PAQR8: variants seen among roughly 807,000 people sequenced by gnomAD.
PAQR8 encodes the protein membrane progestin receptor beta.
Under a neutral mutation model 25.2 loss-of-function variants are expected in PAQR8, and 17 were observed. The ratio of observed to expected loss-of-function variants is 0.67; its 90% CI spans 0.46 to 1.01. The LOEUF is 1.01. Among genes scored for constraint, PAQR8 ranks in the 50% least tolerant of loss-of-function variants. The probability of loss-of-function intolerance (pLI) is 0.00; values close to 1 mark genes in which losing one functional copy is unlikely to be tolerated. For synonymous variants in PAQR8, 204 were observed against 190.6 expected (o/e 1.07, Z -0.58); for missense variants, 392 against 448.4 (o/e 0.87, Z 1.14).
chr6:52,405,711 ACCT>A lies in PAQR8; in HGVS notation c.*1439_*1441del, dbSNP rs1396122308. On this transcript the variant is annotated 3_prime_UTR_variant, in exon 2 of 2. Transcript: ENST00000442253. ...ACATGATTTAACTCCAGTTTGATGA[ACCT>A]CCTCCGAGTTTACTTTATTGTCTTC... 3 of 166,420 alleles carry A rather than the reference ACCT, an allele frequency of 1.8e-5. No individual in the cohort carries two copies. Among genetic ancestry groups the A allele is most frequent in the Non-Finnish European group, 2.9e-5 (2 of 67,910 alleles). 10.3% of individuals were successfully genotyped at this position (166,420 alleles called of 1,614,324 possible). A position where few individuals can be genotyped will look rare whatever the true frequency, so the allele number is the denominator to read the frequency against.
chr6:52,362,523 A>G lies in PAQR8; in HGVS notation c.-53+274A>G. ...ATGCTGGGGAGCCCTGGAGCTCTGA[A>G]CGGCTGTAGTGGGGTGGCCAGGACT... On this transcript the variant is annotated intron_variant, in intron 1 of 1. Coordinates refer to ENST00000442253, the MANE Select transcript of PAQR8 (RefSeq NM_133367.5). This position sits in a 1 kb window ranked among gnomAD's most constrained non-coding sequence, Gnocchi z 4.1. 1 of 152,852 alleles carries G rather than the reference A, an allele frequency of 6.5e-6. No homozygotes were observed. The highest frequency in any genetic ancestry group is 1.9e-4 in the East Asian group (1 of 5,162). 9.5% of individuals were successfully genotyped at this position (152,852 alleles called of 1,614,324 possible). A position where few individuals can be genotyped will look rare whatever the true frequency, so the allele number is the denominator to read the frequency against.
intron 1 of PAQR8, among the ~76,000 whole-genome samples, chr6:52,400,378 T>G (rs1033771076): frequency 6.6e-5 from 10 of 152,248 alleles, no homozygotes; most frequent in Admixed American, 6.5e-4. Context: ...TGTTAAACAC[T>G]TTACAGCCAT....
intron 1 of PAQR8, among the ~76,000 whole-genome samples, chr6:52,385,833 C>T (rs1195848888): frequency 2.0e-5 from 3 of 152,138 alleles, no homozygotes; most frequent in African/African-American, 7.2e-5. Context: ...CTACAGTGAG[C>T]CATGATCACA....
chr6:52,402,632 A>AAAG (rs1554256636), intron 1 of PAQR8, among the ~76,000 whole-genome samples: 5,630 of 114,486 alleles, frequency 0.049, 146 homozygotes, highest in South Asian at 0.081. Flanking sequence ...AAAAAAAAAA[A>AAAG]AAAGAAAGAA....
At chr6:52,377,930 A>G (rs1349023214) in intron 1 of PAQR8, among the ~76,000 whole-genome samples, 3 of 152,174 alleles carry the variant, frequency 2.0e-5, no homozygotes, top group African/African-American at 7.2e-5. Flanking sequence ...ACATTGGTAG[A>G]ATGATTTCCA....
intron 1 of PAQR8, among the ~76,000 whole-genome samples, chr6:52,380,922 T>C (rs956987579): frequency 6.6e-6 from 1 of 152,228 alleles, no homozygotes; most frequent in East Asian, 1.9e-4. Context: ...GAGGTTTGCA[T>C]CCTTGGATAC....
intron 1 of PAQR8, chr6:52,373,738 G>GT (rs35277802): frequency 0.16 from 23,454 of 143,666 alleles, 1,987 homozygotes; most frequent in South Asian, 0.29. Flanking sequence ...AAAAGGATCT[G>GT]TTTTTTTTTT....
intron 1 of PAQR8, among the ~76,000 whole-genome samples, chr6:52,369,910 A>G (rs1016690858): frequency 2.0e-5 from 3 of 152,136 alleles, no homozygotes; most frequent in Non-Finnish European, 4.4e-5. Flanking sequence ...ATGGGCTAAT[A>G]CTCAATTGCC....
At position 52,403,483 on chromosome 6, in the gene PAQR8, C is replaced by A; in HGVS notation, c.270C>A (p.Leu90=). The A allele has an allele frequency of 6.2e-7, 1 of 1,614,172 alleles. No homozygotes were observed. The highest frequency in any genetic ancestry group is 1.3e-5 in the African/African-American group (1 of 75,072). ...WTHLLAALAV[L]LRFWAFAEAE... The stretch of plus-strand genomic sequence containing the variant: ...ATTTACTGGCAGCCCTGGCCGTCCT[C>A]TTGCGATTCTGGGCCTTTGCCGAGG... The change falls in exon 2 of 2, where the codon CTC becomes CTA. Residue 90 remains leucine (L), a synonymous_variant. Coordinates refer to ENST00000442253, the MANE Select transcript of PAQR8 (RefSeq NM_133367.5).
rs1174112530 is a variant in PAQR8 at position 52,403,712 on chromosome 6, T to G, written c.499T>G (p.Ser167Ala). ...TGCTTTGGCTCATTTCTTCTACAGC[T>G]CTGACCAGGCCTGGTATGACCGGTT... Reference protein sequence around the residue: ...GSALAHFFYSSDQAWYDRFWL... With the variant: ...GSALAHFFYSADQAWYDRFWL... Residue 167 changes from serine (S) to alanine (A), a missense_variant, in exon 2 of 2, where the codon TCT becomes GCT. Ser to Ala is a moderately conservative substitution (Grantham distance 99). Transcript: ENST00000442253. The G allele has an allele frequency of 6.2e-7, 1 of 1,614,240 alleles. No homozygotes were observed. Among genetic ancestry groups the G allele is most frequent in the Admixed American group, 1.7e-5 (1 of 60,030 alleles).
rs1474408197 is a variant in PAQR8 at position 52,403,526 on chromosome 6, G to A, written c.313G>A (p.Ala105Thr). The change falls in exon 2 of 2, where the codon GCG (alanine) becomes ACG (threonine). Residue 105 changes from alanine (A) to threonine (T), a missense_variant. Ala to Thr is a moderately conservative substitution (Grantham distance 58, BLOSUM62 0). Transcript: ENST00000442253. ...AFAEAEALPW[A>T]STHSLPLLLF... ...TGCCGAGGCTGAGGCCTTGCCATGG[G>A]CGTCTACCCACTCCCTGCCTCTGCT... The A allele has an allele frequency of 1.2e-6, 2 of 1,614,044 alleles. No individual in the cohort carries two copies. Among genetic ancestry groups the A allele is most frequent in the East Asian group, 2.2e-5 (1 of 44,884 alleles).
chr6:52,394,477 A>G (rs762797718), intron 1 of PAQR8, among the ~76,000 whole-genome samples: 1 of 152,240 alleles, frequency 6.6e-6, no homozygotes, highest in Non-Finnish European at 1.5e-5. Context: ...TACACATTCA[A>G]TAGAAACCAT....
At chr6:52,381,569 T>C (rs1349406836) in intron 1 of PAQR8, among the ~76,000 whole-genome samples, 1 of 152,234 alleles carries the variant, frequency 6.6e-6, no homozygotes, top group Non-Finnish European at 1.5e-5. Context: ...ACTGTGCCAC[T>C]GCACTCCAGC....
chr6:52,366,775 A>C (rs2113932611), intron 1 of PAQR8, among the ~76,000 whole-genome samples: 1 of 151,804 alleles, frequency 6.6e-6, no homozygotes, highest in South Asian at 2.1e-4. Flanking sequence ...TTTGAGATGA[A>C]GTCTCCCTCT....
At chr6:52,366,099 GGCAC>G (rs1763348717) in intron 1 of PAQR8, among the ~76,000 whole-genome samples, 1 of 151,842 alleles carries the variant, frequency 6.6e-6, no homozygotes, top group South Asian at 2.1e-4. Flanking sequence ...AGAATAGCCT[GGCAC>G]TGAAATCTCA....
intron 1 of PAQR8, among the ~76,000 whole-genome samples, chr6:52,366,466 A>G (rs34801192): frequency 0.011 from 1,623 of 152,310 alleles, 16 homozygotes; most frequent in Middle Eastern, 0.024. Flanking sequence ...TTTTCCTTCA[A>G]TTTCTCAAAG....
intron 1 of PAQR8, among the ~76,000 whole-genome samples, chr6:52,402,664 C>T (rs1433784560): frequency 6.7e-6 from 1 of 150,240 alleles, no homozygotes; most frequent in African/African-American, 2.5e-5. Context: ...AATATTGGGA[C>T]AGTAAGGGAT....
chr6:52,367,021 G>C (rs957367808), intron 1 of PAQR8, among the ~76,000 whole-genome samples: 1 of 152,174 alleles, frequency 6.6e-6, no homozygotes, highest in Middle Eastern at 3.2e-3. Flanking sequence ...TGGGATTACA[G>C]GCGTAAACCA....
intron 1 of PAQR8, among the ~76,000 whole-genome samples, chr6:52,392,763 CTT>C (rs1489530167): frequency 2.6e-5 from 4 of 152,138 alleles, no homozygotes; most frequent in African/African-American, 9.7e-5. Flanking sequence ...CCATGTGTCT[CTT>C]TAATATGAAA....
Sources: gnomAD v4.1 joint callset for allele counts (sites outside exome capture counted in the v4.1 genomes callset) on GRCh38, gnomAD v4.1.1 for gene constraint, Gnocchi (gnomAD v3.1) non-coding constraint, MANE v1.5 for transcripts, NCBI Gene and HGNC (gene_info 2026-07-23, HGNC 2026-07-21) for gene names.